ZBTB20: variants seen among roughly 807,000 people sequenced by gnomAD.
The protein encoded by ZBTB20 is zinc finger and BTB domain-containing protein 20.
In ZBTB20, 9 loss-of-function variants were observed where a neutral mutation model predicts 56.9. That is an observed-to-expected ratio of 0.16 (90% CI 0.10 to 0.28). The LOEUF (loss-of-function observed/expected upper bound fraction) is 0.28. ZBTB20 is among the 10% of genes least tolerant of loss of function. The pLI, the probability that ZBTB20 is intolerant of heterozygous loss-of-function variation, is 1.00. For synonymous variants in ZBTB20, 417 were observed against 420.7 expected (o/e 0.99, Z 0.11); for missense variants, 655 against 1,003.0 (o/e 0.65, Z 4.69).
chr3:114,858,078 T>G (rs1331310502), intron 4 of ZBTB20, among the ~76,000 whole-genome samples: 1 of 152,230 alleles, frequency 6.6e-6, no homozygotes, highest in Non-Finnish European at 1.5e-5. Flanking sequence ...AAGGCCATGT[T>G]GAATTAGTGT....
chr3:114,869,630 A>G (rs2075904999), intron 4 of ZBTB20, among the ~76,000 whole-genome samples: 1 of 151,670 alleles, frequency 6.6e-6, no homozygotes, highest in African/African-American at 2.4e-5. Context: ...GCTTCCTTTT[A>G]TATTTTCATC....
At chr3:114,664,637 C>T (rs974318765) in intron 6 of ZBTB20, among the ~76,000 whole-genome samples, 1 of 151,670 alleles carries the variant, frequency 6.6e-6, no homozygotes, top group Non-Finnish European at 1.5e-5. Flanking sequence ...ACGTACTAGC[C>T]TAGGCCGATA....
At chr3:114,417,645 C>T (rs565491619) in intron 7 of ZBTB20, among the ~76,000 whole-genome samples, 17 of 152,156 alleles carry the variant, frequency 1.1e-4, no homozygotes, top group Non-Finnish European at 1.2e-4. Flanking sequence ...TTTGCATACA[C>T]GTCTATCTGG....
chr3:114,632,222 C>A (rs1218250354), intron 6 of ZBTB20, among the ~76,000 whole-genome samples: 2 of 152,220 alleles, frequency 1.3e-5, no homozygotes, highest in Non-Finnish European at 2.9e-5. Context: ...GGTTGTCTCA[C>A]AATCACACTG....
At chr3:114,642,455 G>GA (rs2059610954) in intron 6 of ZBTB20, among the ~76,000 whole-genome samples, 1 of 151,974 alleles carries the variant, frequency 6.6e-6, no homozygotes, top group Non-Finnish European at 1.5e-5. Context: ...GTGAAAAAAG[G>GA]AAAATTTTGT....
At chr3:114,714,171 T>C (rs1168857432) in intron 5 of ZBTB20, among the ~76,000 whole-genome samples, 1 of 152,202 alleles carries the variant, frequency 6.6e-6, no homozygotes, top group African/African-American at 2.4e-5. Context: ...TACAGACAAG[T>C]GATTAATCAA....
In ZBTB20 at chr3:114,544,475, T is replaced by TTCTTTCTG. The variant is rs1553747295; in HGVS notation, c.-294-44085_-294-44084insCAGAAAGA. Reference sequence around the variant, plus strand: ...TTTCTTTCTTTCTTTCTTTCTTTCTTTCTTTTTCTTTCACTTTCTTTCTTT... The same window carrying TTCTTTCTG: ...TTTCTTTCTTTCTTTCTTTCTTTCTTTCTTTCTGTCTTTTTCTTTCACTTTCTTTCTTT... On this transcript the variant is annotated intron_variant, in intron 6 of 11. Transcript: ENST00000675478. Among the ~76,000 whole-genome samples, 4 of 132,972 alleles carry TTCTTTCTG rather than the reference T, an allele frequency of 3.0e-5. No homozygotes were observed. The East Asian group carries it at 8.6e-4, about 29-fold the overall frequency. 87.2% of individuals were successfully genotyped at this position (132,972 alleles called of 152,430 possible).
chr3:114,671,162 C>T (rs140219171), intron 6 of ZBTB20, among the ~76,000 whole-genome samples: 161 of 152,150 alleles, frequency 1.1e-3, no homozygotes, highest in African/African-American at 3.6e-3. Context: ...CTAAAGACTA[C>T]GCATTTAAAG....
At chr3:114,689,309 C>G (rs2062553674) in intron 6 of ZBTB20, among the ~76,000 whole-genome samples, 1 of 152,062 alleles carries the variant, frequency 6.6e-6, no homozygotes, top group Non-Finnish European at 1.5e-5. Flanking sequence ...CTGAACAAAC[C>G]ACTTATCTTG....
chr3:114,575,925 G>C (rs2053966076), intron 6 of ZBTB20, among the ~76,000 whole-genome samples: 1 of 152,088 alleles, frequency 6.6e-6, no homozygotes, highest in African/African-American at 2.4e-5. Context: ...CAAAATAATT[G>C]ACAGAAAAGG....
At chr3:114,867,420 G>A (rs761694880) in intron 4 of ZBTB20, among the ~76,000 whole-genome samples, 17 of 152,110 alleles carry the variant, frequency 1.1e-4, no homozygotes, top group Non-Finnish European at 1.9e-4. Context: ...TTATAGAAAA[G>A]GTCAAGTTTG....
rs563884945 is a variant in ZBTB20, at chr3:114,997,307, C to T, written c.-506-22891G>A. Among the ~76,000 whole-genome samples the T allele has an allele frequency of 4.6e-5, 7 of 151,676 alleles. No homozygotes were observed. The South Asian group carries it at 1.5e-3, about 32-fold the overall frequency. ...TGTAGAACCTTTGGGGTGATTAAAA[C>T]GTTCTGGAATTAGATAGTGGTGATG... is the stretch of plus-strand genomic sequence containing the variant. On this transcript the variant is annotated intron_variant, in intron 2 of 11. Coordinates refer to ENST00000675478, the MANE Select transcript of ZBTB20 (RefSeq NM_001348800.3).
chr3:115,065,590 C>A (rs544019592), intron 2 of ZBTB20, among the ~76,000 whole-genome samples: 13 of 152,232 alleles, frequency 8.5e-5, no homozygotes, highest in African/African-American at 3.1e-4. Flanking sequence ...TGTTCAATCA[C>A]GAAGTTTAAC....
At chr3:114,497,346 C>G (rs2043395969) in intron 7 of ZBTB20, among the ~76,000 whole-genome samples, 1 of 152,174 alleles carries the variant, frequency 6.6e-6, no homozygotes, top group Non-Finnish European at 1.5e-5. Flanking sequence ...GCACGGCATA[C>G]AAGGTCCTCC....
At chr3:114,740,788 C>T (rs1229618604) in intron 5 of ZBTB20, among the ~76,000 whole-genome samples, 2 of 152,082 alleles carry the variant, frequency 1.3e-5, no homozygotes, top group South Asian at 4.1e-4. Flanking sequence ...TACATTTTTC[C>T]AAATGAAAAC....
intron 2 of ZBTB20, among the ~76,000 whole-genome samples, chr3:114,977,968 G>A (rs1043819138): frequency 7.0e-6 from 1 of 142,418 alleles, no homozygotes; most frequent in African/African-American, 2.7e-5. Context: ...CCATGATCCT[G>A]CCACTGTACT....
chr3:114,710,792 T>C (rs1283125935), intron 5 of ZBTB20, among the ~76,000 whole-genome samples: 3 of 152,176 alleles, frequency 2.0e-5, no homozygotes, highest in African/African-American at 7.2e-5. Flanking sequence ...GGAACTCTTT[T>C]AATATGTAAA....
rs569911688 is a variant in ZBTB20, at chr3:115,052,222, G to A, written c.-507+18997C>T. 2.0e-5 allele frequency among the ~76,000 whole-genome samples: 3 copies of A among 152,256 alleles called. No homozygotes were observed. In the South Asian group the frequency reaches 6.2e-4, roughly 32 times the overall value. On this transcript the variant is annotated intron_variant, in intron 2 of 11. Coordinates refer to ENST00000675478, the MANE Select transcript of ZBTB20 (RefSeq NM_001348800.3). ...GCCTGTAATCCCAGCACTTTAGGAG[G>A]TGGAGGCGGGCAGATCACAAGGTCA...
intron 5 of ZBTB20, among the ~76,000 whole-genome samples, chr3:114,700,226 T>G (rs541090668): frequency 1.3e-5 from 2 of 152,238 alleles, no homozygotes; most frequent in South Asian, 4.1e-4. Context: ...TCTCTCTCTT[T>G]TCATCTTTTT....
Sources: allele counts gnomAD v4.1 joint callset (sites outside exome capture counted in the v4.1 genomes callset), GRCh38; gene constraint gnomAD v4.1.1; transcripts MANE v1.5; gene names NCBI Gene and HGNC (gene_info 2026-07-23, HGNC 2026-07-21).